Variants in PPA1 observed in about 807,000 individuals in gnomAD.
The protein encoded by PPA1 is inorganic pyrophosphatase.
PPA1 carries 23 observed loss-of-function variants against 41.8 expected under a neutral mutation model. The ratio of observed to expected loss-of-function variants is 0.55; its 90% CI spans 0.40 to 0.78. PPA1 has a LOEUF of 0.78. Ranked by LOEUF, PPA1 falls within the 30% of genes least tolerant of loss-of-function variation. The pLI, the probability that PPA1 is intolerant of heterozygous loss-of-function variation, is 0.00. For missense variants in PPA1, 320 were observed against 361.6 expected (o/e 0.89, Z 0.93); for synonymous variants, 101 against 116.8 (o/e 0.86, Z 0.87).
rs182877657 is a variant in PPA1, at chr10:70,204,708, G to A, written c.838+165C>T. 231 of 546,066 alleles carry A rather than the reference G, an allele frequency of 4.2e-4. 2 individuals are homozygous for A. The highest frequency in any genetic ancestry group is 4.1e-3 in the East Asian group (128 of 31,216). 33.8% of individuals were successfully genotyped at this position (546,066 alleles called of 1,614,324 possible). ...ATTAAGTATGTGAGGTAATGATTTCGTAATTAGCCAGATTTAATCATTCCA... is the reference window on the plus strand; with the variant it reads ...ATTAAGTATGTGAGGTAATGATTTCATAATTAGCCAGATTTAATCATTCCA... On this transcript the variant is annotated intron_variant, in intron 10 of 10. Transcript: ENST00000373232.
chr10:70,215,043 A>C (rs1840063261), intron 4 of PPA1, among the ~76,000 whole-genome samples: 1 of 152,088 alleles, frequency 6.6e-6, no homozygotes, highest in African/African-American at 2.4e-5. Context: ...AAAAATACAA[A>C]AATGAGCCAG....
intron 1 of PPA1, among the ~76,000 whole-genome samples, chr10:70,231,554 G>A (rs964367929): frequency 1.3e-5 from 2 of 152,204 alleles, no homozygotes; most frequent in Admixed American, 6.5e-5. Context: ...GCAACAGAGC[G>A]AGACTTTGTT....
intron 7 of PPA1, 85 bp from the exon 8 acceptor site, chr10:70,209,375 T>C (rs945121972): frequency 1.0e-4 from 139 of 1,328,382 alleles, no homozygotes; most frequent in Non-Finnish European, 1.3e-4. Flanking sequence ...TGATACTTTG[T>C]CTCTTCTGAA....
In PPA1 at chr10:70,214,540, C is replaced by G; in HGVS notation, c.344G>C (p.Gly115Ala). 6.2e-7 allele frequency: 1 copy of G among 1,613,762 alleles called. No homozygotes were observed. The highest frequency in any genetic ancestry group is 8.5e-7 in the Non-Finnish European group (1 of 1,179,828). The change falls in exon 5 of 11, where the codon GGT becomes GCT. Residue 115 changes from glycine (G) to alanine (A), a missense_variant. Physicochemically the swap from Gly to Ala is moderately conservative, Grantham distance 60. Coordinates refer to ENST00000373232, the MANE Select transcript of PPA1 (RefSeq NM_021129.4). ...GHNDKHTGCC[G>A]DNDPIDVCEI... ...ACACACATCAATTGGGTCATTGTCACCACAACAGCCAGTATGTTTATCATT... is the reference window on the plus strand; with the variant it reads ...ACACACATCAATTGGGTCATTGTCAGCACAACAGCCAGTATGTTTATCATT...
At chr10:70,217,993 T>A (rs1840098236) in intron 3 of PPA1, 62 bp from the exon 4 acceptor site, 2 of 1,366,544 alleles carry the variant, frequency 1.5e-6, no homozygotes, top group African/African-American at 2.9e-5. Context: ...CAAATAAGGA[T>A]CTGAGGAAAT....
At chr10:70,227,298 A>G (rs989347472) in intron 2 of PPA1, among the ~76,000 whole-genome samples, 11 of 152,228 alleles carry the variant, frequency 7.2e-5, no homozygotes, top group African/African-American at 2.7e-4. Context: ...AAGATTTTCC[A>G]GAACTGGCTG....
intron 2 of PPA1, among the ~76,000 whole-genome samples, chr10:70,223,787 T>A (rs1840200455): frequency 6.6e-6 from 1 of 152,226 alleles, no homozygotes; most frequent in Non-Finnish European, 1.5e-5. Flanking sequence ...AATTTCGTAC[T>A]ACCCAGTTAC....
chr10:70,218,799 C>T lies in PPA1; in HGVS notation c.142G>A (p.Val48Ile). 1 of 1,612,470 alleles carries T rather than the reference C, an allele frequency of 6.2e-7. No individual in the cohort carries two copies. Among genetic ancestry groups the T allele is most frequent in the Non-Finnish European group, 8.5e-7 (1 of 1,178,784 alleles). Reference sequence around the variant, plus strand: ...GCATTAGACCAGCGTGGTACTTCAACTACCATGTGAAACACATCCTGAAAA... The same window carrying T: ...GCATTAGACCAGCGTGGTACTTCAATTACCATGTGAAACACATCCTGAAAA... Reference protein sequence around the residue: ...YADKDVFHMVVEVPRWSNAKM... With the variant: ...YADKDVFHMVIEVPRWSNAKM... The change falls in exon 3 of 11, where the codon GTT (valine) becomes ATT (isoleucine). Residue 48 changes from valine (V) to isoleucine (I), a missense_variant. Transcript: ENST00000373232.
chr10:70,209,483 G>A, intron 7 of PPA1, 75 bp downstream of exon 7: 1 of 1,486,128 alleles, frequency 6.7e-7, no homozygotes, highest in Non-Finnish European at 9.1e-7. Context: ...TGAATCTTTA[G>A]ATGGTAACAA....
chr10:70,227,681 A>C lies in PPA1; in HGVS notation c.123+2660T>G, dbSNP rs200606231. On this transcript the variant is annotated intron_variant, in intron 2 of 10. Transcript: ENST00000373232. ...AAAAAAAAAAAAAAAAAAAAGTCTG[A>C]TATGGATATGAGCCCTTGGGCATTT... Among the ~76,000 whole-genome samples the C allele has an allele frequency of 1.2e-4, 17 of 145,548 alleles. No homozygotes were observed. In the East Asian group the frequency reaches 3.4e-3, roughly 29 times the overall value.
chr10:70,217,454 G>T (rs555726235), intron 4 of PPA1, among the ~76,000 whole-genome samples: 1 of 152,156 alleles, frequency 6.6e-6, no homozygotes, highest in Admixed American at 6.5e-5. Context: ...TTTGAACTCT[G>T]GTCTGTCTGG....
chr10:70,217,177 T>TAAA (rs879670304), intron 4 of PPA1, among the ~76,000 whole-genome samples: 1 of 141,636 alleles, frequency 7.1e-6, no homozygotes, highest in South Asian at 2.2e-4. Flanking sequence ...TTTTTTTAAT[T>TAAA]AAAAAAAAAA....
chr10:70,204,205 A>G (rs1403687789), intron 10 of PPA1: 1 of 152,230 alleles, frequency 6.6e-6, no homozygotes, highest in Non-Finnish European at 1.5e-5. Flanking sequence ...CAGCTTGGGC[A>G]ACATGGTGAA....
rs1356584400 is a variant in PPA1, at chr10:70,220,924, T to TA, written c.124-2108_124-2107insT. 1.7e-3 allele frequency among the ~76,000 whole-genome samples: 23 copies of TA among 13,318 alleles called. 1 individual carries two copies. The highest frequency in any genetic ancestry group is 6.8e-3 in the African/African-American group (23 of 3,372). The allele number at this position is 13,318 out of a possible 152,430, so 8.7% of individuals were successfully genotyped here. ...TAATTTATATATAATATATATAATT[T>TA]TTATATATACTATATATATAATTTA... On this transcript the variant is annotated intron_variant, in intron 2 of 10. Transcript: ENST00000373232.
At chr10:70,214,021 T>A (rs1840050741) in intron 5 of PPA1, among the ~76,000 whole-genome samples, 1 of 152,228 alleles carries the variant, frequency 6.6e-6, no homozygotes, top group East Asian at 1.9e-4. Flanking sequence ...TGTTTACTAT[T>A]TCTCTGCACC....
intron 10 of PPA1, chr10:70,204,626 C>T (rs1355344171): frequency 1.9e-5 from 8 of 410,826 alleles, no homozygotes; most frequent in Non-Finnish European, 3.1e-5. Context: ...ACTGTAACAT[C>T]TATTTCAAAA....
At position 70,233,330 on chromosome 10, in the gene PPA1, T is replaced by C. The variant is rs1368536535; in HGVS notation, c.-3A>G. The C allele has an allele frequency of 8.5e-6, 13 of 1,537,960 alleles. No homozygotes were observed. In the East Asian group the frequency reaches 3.3e-4, roughly 39 times the overall value. The stretch of plus-strand genomic sequence containing the variant: ...TCCTCGGTGCTGAAGCCGCTCATAG[T>C]GCCGGAGTCCTGCCGCCGCCGCTGC... On this transcript the variant is annotated 5_prime_UTR_variant, in exon 1 of 11. Transcript: ENST00000373232.
At chr10:70,210,486 C>T in intron 6 of PPA1, 1 of 1,326,336 alleles carries the variant, frequency 7.5e-7, no homozygotes, top group Non-Finnish European at 1.0e-6. Context: ...TGTGACTAGA[C>T]TTTGCTGGAT....
intron 4 of PPA1, among the ~76,000 whole-genome samples, chr10:70,214,881 C>G (rs1840061991): frequency 1.3e-5 from 2 of 151,990 alleles, no homozygotes; most frequent in African/African-American, 4.8e-5. Flanking sequence ...AAATATAGAC[C>G]CAAACGTTTA....
Sources: allele counts gnomAD v4.1 joint callset (sites outside exome capture counted in the v4.1 genomes callset), GRCh38; gene constraint gnomAD v4.1.1; transcripts MANE v1.5; gene names NCBI Gene and HGNC (gene_info 2026-07-23, HGNC 2026-07-21).